Variants in FLACC1 observed in about 807,000 individuals in gnomAD.
The protein encoded by FLACC1 is flagellum-associated coiled-coil domain-containing protein 1.
A neutral mutation model predicts 62.8 loss-of-function variants in FLACC1; 66 were observed. That is an observed-to-expected ratio of 1.05 (90% CI 0.86 to 1.29). The LOEUF (loss-of-function observed/expected upper bound fraction) is 1.29, where lower values mean the gene tolerates loss of function less well. Among genes scored for constraint, FLACC1 ranks in the 50% most tolerant of loss-of-function variants. The pLI is 0.00. For missense variants in FLACC1, 452 were observed against 489.1 expected (o/e 0.92, Z 0.71); for synonymous variants, 156 against 161.0 (o/e 0.97, Z 0.24).
chr2:201,346,572 G>A lies in FLACC1; in HGVS notation c.338C>T (p.Ser113Leu), dbSNP rs369120998. Reference sequence around the variant, plus strand: ...AAATCTGCCTTTGTCCGGGATCTCCGATTCCCACCGCTTTTTCCTATCAAA... The same window carrying A: ...AAATCTGCCTTTGTCCGGGATCTCCAATTCCCACCGCTTTTTCCTATCAAA... ...EMFDRKKRWE[S>L]EIPDKGRFSR... The change falls in exon 5 of 15, where the codon TCG (serine) becomes TTG (leucine). Residue 113 changes from serine to leucine, a missense_variant. Ser to Leu is a moderately radical substitution (Grantham distance 145). Coordinates refer to ENST00000392257, the MANE Select transcript of FLACC1 (RefSeq NM_001127391.3). The surrounding 1 kb of genome is among the most constrained non-coding windows in gnomAD (Gnocchi z 4.0). 8 of 1,614,118 alleles carry A rather than the reference G, an allele frequency of 5.0e-6. No individual in the cohort carries two copies. In the Admixed American group the frequency reaches 5.0e-5, roughly 10 times the overall value.
At chr2:201,345,804 TAG>T (rs1950901584) in intron 5 of FLACC1, among the ~76,000 whole-genome samples, 1 of 152,142 alleles carries the variant, frequency 6.6e-6, no homozygotes, top group Admixed American at 6.5e-5. Context: ...GCTAATGGGT[TAG>T]AGTCAGGCCA....
At position 201,309,251 on chromosome 2, in the gene FLACC1, C is replaced by A. The variant is rs759792130; in HGVS notation, c.676-1G>T. On this transcript the variant is annotated splice_acceptor_variant, in intron 9 of 14. Transcript: ENST00000392257. LOFTEE classifies it high-confidence loss of function. The stretch of plus-strand genomic sequence containing the variant: ...CTTCCATTTCATCATAAATACTGTC[C>A]TGGGGAGGTACAAAGGCACCATGAA... 5.6e-6 allele frequency: 9 copies of A among 1,610,230 alleles called. No individual in the cohort carries two copies. In the East Asian group the frequency reaches 2.0e-4, roughly 36 times the overall value.
intron 3 of FLACC1, among the ~76,000 whole-genome samples, chr2:201,348,797 C>A (rs545541486): frequency 6.6e-5 from 10 of 152,118 alleles, no homozygotes; most frequent in Non-Finnish European, 1.2e-4. Context: ...TCATTCAAAT[C>A]TTTATATATG....
intron 12 of FLACC1, among the ~76,000 whole-genome samples, chr2:201,294,162 C>T (rs552758103): frequency 6.6e-6 from 1 of 152,320 alleles, no homozygotes; most frequent in South Asian, 2.1e-4. Flanking sequence ...TCCTCCCTAA[C>T]TCATTTTATG....
At chr2:201,310,072 T>G (rs1371326222) in intron 9 of FLACC1, among the ~76,000 whole-genome samples, 1 of 152,044 alleles carries the variant, frequency 6.6e-6, no homozygotes, top group Non-Finnish European at 1.5e-5. Flanking sequence ...CCAATACTGT[T>G]GCTTGGCTCA....
chr2:201,354,910 C>T (rs182896751), intron 1 of FLACC1, among the ~76,000 whole-genome samples: 4 of 152,234 alleles, frequency 2.6e-5, no homozygotes, highest in Admixed American at 6.5e-5. Flanking sequence ...TTGTCCACAA[C>T]GGGCATTTGA....
chr2:201,301,588 A>G (rs944204920), intron 11 of FLACC1, among the ~76,000 whole-genome samples: 6 of 152,230 alleles, frequency 3.9e-5, no homozygotes, highest in Admixed American at 3.3e-4. Context: ...GAATGCCACA[A>G]AGATACTCCT....
intron 7 of FLACC1, 94 bp from the exon 8 acceptor site, chr2:201,330,927 C>T (rs1026164529): frequency 2.5e-5 from 22 of 866,936 alleles, no homozygotes; most frequent in Non-Finnish European, 3.5e-5. Flanking sequence ...CACCCTCCCA[C>T]AGGAAGTGAG....
At chr2:201,358,411 A>ATTTTT (rs529458487), upstream of FLACC1, among the ~76,000 whole-genome samples, 454 of 120,356 alleles carry the variant, frequency 3.8e-3, 5 homozygotes, top group African/African-American at 4.7e-3. Context: ...TGCCCAGCTA[A>ATTTTT]TTTTTTTTTT....
chr2:201,341,855 AT>A (rs1950816986), intron 7 of FLACC1, among the ~76,000 whole-genome samples: 1 of 152,104 alleles, frequency 6.6e-6, no homozygotes, highest in South Asian at 2.1e-4. Flanking sequence ...ACCATGTTCT[AT>A]TCTCTGTCTT....
Position 201,346,762 on chromosome 2 carries a change from T to C in FLACC1, c.235-87A>G. Reference sequence around the variant, plus strand: ...CTTCTCTTATTGCCTCACTCACATCTTAAAAACAGGGACCTGGGACTCCAC... The same window carrying C: ...CTTCTCTTATTGCCTCACTCACATCCTAAAAACAGGGACCTGGGACTCCAC... On this transcript the variant is annotated intron_variant, in intron 4 of 14. Transcript: ENST00000392257. The surrounding 1 kb of genome is among the most constrained non-coding windows in gnomAD (Gnocchi z 4.0). The C allele has an allele frequency of 3.2e-6, 5 of 1,554,310 alleles. No homozygotes were observed. In the South Asian group the frequency reaches 5.7e-5, roughly 18 times the overall value.
At chr2:201,318,733 T>G (rs1950347416) in intron 9 of FLACC1, among the ~76,000 whole-genome samples, 1 of 152,164 alleles carries the variant, frequency 6.6e-6, no homozygotes, top group Non-Finnish European at 1.5e-5. Flanking sequence ...GATTCAGAAA[T>G]TCCATATATA....
chr2:201,299,342 T>C (rs1301506033), intron 11 of FLACC1, 42 bp from the exon 12 acceptor site: 13 of 1,543,336 alleles, frequency 8.4e-6, no homozygotes, highest in Non-Finnish European at 1.8e-6. Flanking sequence ...ACTGTGGTTC[T>C]GGCACATCTT....
intron 9 of FLACC1, among the ~76,000 whole-genome samples, chr2:201,312,804 C>T (rs1339615122): frequency 6.6e-6 from 1 of 152,192 alleles, no homozygotes; most frequent in Non-Finnish European, 1.5e-5. Context: ...AGGAATAATT[C>T]AGGAAAGCCA....
At chr2:201,332,717 C>T (rs1950618689) in intron 7 of FLACC1, among the ~76,000 whole-genome samples, 2 of 151,926 alleles carry the variant, frequency 1.3e-5, no homozygotes, top group African/African-American at 4.8e-5. Context: ...TCCCTATTCC[C>T]CCCACCCCCT....
At chr2:201,353,773 T>C (rs759723088) in intron 1 of FLACC1, among the ~76,000 whole-genome samples, 38 of 152,092 alleles carry the variant, frequency 2.5e-4, no homozygotes, top group Non-Finnish European at 4.1e-4. Flanking sequence ...AAGTTTTGTA[T>C]TTTTAGTAGA....
At chr2:201,315,319 A>C (rs7596930) in intron 9 of FLACC1, among the ~76,000 whole-genome samples, 50,915 of 151,968 alleles carry the variant, frequency 0.34, 10,114 homozygotes, top group East Asian at 0.48. Context: ...GACTCACCTA[A>C]CACATAAGAA....
upstream of FLACC1, among the ~76,000 whole-genome samples, chr2:201,359,507 A>G (rs1467885485): frequency 6.6e-6 from 1 of 152,220 alleles, no homozygotes; most frequent in Non-Finnish European, 1.5e-5. Flanking sequence ...GGACACCAGT[A>G]TTTACGACAA....
upstream of FLACC1, among the ~76,000 whole-genome samples, chr2:201,360,411 T>C (rs1036318858): frequency 6.6e-6 from 1 of 152,222 alleles, no homozygotes; most frequent in Non-Finnish European, 1.5e-5. Context: ...TGCTGCAGCA[T>C]TCACGAAGTG....
Sources: gnomAD v4.1 joint callset for allele counts (sites outside exome capture counted in the v4.1 genomes callset) on GRCh38, gnomAD v4.1.1 for gene constraint, Gnocchi (gnomAD v3.1) non-coding constraint, MANE v1.5 for transcripts, NCBI Gene and HGNC (gene_info 2026-07-23, HGNC 2026-07-21) for gene names.